The following AMER1 variants were observed in gnomAD, a reference collection of about 807,000 sequenced individuals.
AMER1 encodes RP11-403E24.2.
Under a neutral mutation model 53.0 loss-of-function variants are expected in AMER1, and 16 were observed. The observed-to-expected ratio is 0.30, with a 90% CI of 0.20 to 0.46. The LOEUF is 0.46. Among genes scored for constraint, AMER1 ranks in the 20% least tolerant of loss-of-function variants. The probability of loss-of-function intolerance (pLI) is 1.00; values close to 1 mark genes in which losing one functional copy is unlikely to be tolerated. For missense variants in AMER1, 947 were observed against 884.9 expected (o/e 1.07, Z -0.89); for synonymous variants, 354 against 331.9 (o/e 1.07, Z -0.73).
rs773502508 is a variant in AMER1 at position 64,190,183 on chromosome X, T to C, written c.3104A>G (p.Asn1035Ser). 8.3e-7 allele frequency: 1 copy of C among 1,208,201 alleles called. No homozygotes were observed. The highest frequency in any genetic ancestry group is 1.1e-6 in the Non-Finnish European group (1 of 893,520). The part of the protein sequence containing the change: ...HLHLPMGPCY[N>S]LQPQASQSMR... Reference sequence around the variant, plus strand: ...GCTCTGGGAGGCCTGTGGCTGGAGGTTATAGCAAGGGCCCATGGGCAGGTG... The same window carrying C: ...GCTCTGGGAGGCCTGTGGCTGGAGGCTATAGCAAGGGCCCATGGGCAGGTG... The change falls in exon 2 of 2, where the codon AAC (asparagine) becomes AGC (serine). Residue 1035 changes from asparagine (N) to serine (S), a missense_variant. Coordinates refer to ENST00000374869, the MANE Select transcript of AMER1 (RefSeq NM_152424.4).
chrX:64,190,185 A>G lies in AMER1; in HGVS notation c.3102T>C (p.Tyr1034=), dbSNP rs747218968. 1 of 1,209,385 alleles carries G rather than the reference A, an allele frequency of 8.3e-7. No homozygotes were observed. The highest frequency in any genetic ancestry group is 1.8e-5 in the South Asian group (1 of 56,359). Reference sequence around the variant, plus strand: ...TCTGGGAGGCCTGTGGCTGGAGGTTATAGCAAGGGCCCATGGGCAGGTGTA... The same window carrying G: ...TCTGGGAGGCCTGTGGCTGGAGGTTGTAGCAAGGGCCCATGGGCAGGTGTA... ...SHLHLPMGPC[Y]NLQPQASQSM... is the part of the protein sequence containing the mutation. The change falls in exon 2 of 2, where the codon TAT becomes TAC. Residue 1034 remains tyrosine, a synonymous_variant. Coordinates refer to ENST00000374869, the MANE Select transcript of AMER1 (RefSeq NM_152424.4).
In AMER1 at chrX:64,186,221, T is replaced by C; in HGVS notation, c.*3658A>G. The C allele has an allele frequency of 8.4e-7, 1 of 1,187,618 alleles. No homozygotes were observed. Among genetic ancestry groups the C allele is most frequent in the Non-Finnish European group, 1.1e-6 (1 of 880,175 alleles). ...GAGGGAACGGACAGTGTGGTACAGC[T>C]AAGGTAGGGAGAGGGGAAAGAGGGA... is the stretch of plus-strand genomic sequence containing the variant. On this transcript the variant is annotated 3_prime_UTR_variant, in exon 2 of 2. Coordinates refer to ENST00000374869, the MANE Select transcript of AMER1 (RefSeq NM_152424.4).
At chrX:64,196,760 T>C (rs1403543348) in intron 1 of AMER1, among the ~76,000 whole-genome samples, 2 of 111,705 alleles carry the variant, frequency 1.8e-5, no homozygotes, top group Non-Finnish European at 3.8e-5. Flanking sequence ...TCCAGAGTCA[T>C]CTTTGCTGGC....
rs1569191373 is a variant in AMER1, at chrX:64,190,259, A to C, written c.3028T>G (p.Ser1010Ala). 8.3e-7 allele frequency: 1 copy of C among 1,210,084 alleles called. No homozygotes were observed. Among genetic ancestry groups the C allele is most frequent in the African/African-American group, 1.7e-5 (1 of 57,230 alleles). ...TMSISLSVPESRAPGESGPQL... is the reference protein window; with the variant it reads ...TMSISLSVPEARAPGESGPQL... Reference sequence around the variant, plus strand: ...GGCCCAGATTCCCCAGGTGCCCTTGACTCTGGCACTGATAGTGATATTGAC... The same window carrying C: ...GGCCCAGATTCCCCAGGTGCCCTTGCCTCTGGCACTGATAGTGATATTGAC... The change falls in exon 2 of 2, where the codon TCA becomes GCA. Residue 1010 changes from serine (S) to alanine (A), a missense_variant. Ser to Ala is a moderately conservative substitution (Grantham distance 99). Transcript: ENST00000374869.
rs777322830 is a variant in AMER1 at position 64,189,947 on chromosome X, C to A, written c.3340G>T (p.Ala1114Ser). ...GTGGCAAGAGAGGCACCTTGCTCAG[C>A]CCTCTCCTTTGACAGGTCAAGGCTG... is the stretch of plus-strand genomic sequence containing the variant. ...PSSLDLSKERAEQGASLATSY... is the reference protein window; with the variant it reads ...PSSLDLSKERSEQGASLATSY... Residue 1114 changes from alanine (A) to serine (S), a missense_variant, in exon 2 of 2, where the codon GCT becomes TCT. Transcript: ENST00000374869. 1.2e-5 allele frequency: 15 copies of A among 1,203,921 alleles called. No individual in the cohort carries two copies. Among genetic ancestry groups the A allele is most frequent in the Non-Finnish European group, 1.6e-5 (14 of 892,549 alleles).
intron 1 of AMER1, among the ~76,000 whole-genome samples, chrX:64,197,097 C>G (rs1181257275): frequency 8.9e-6 from 1 of 112,621 alleles, no homozygotes; most frequent in Non-Finnish European, 1.9e-5. Flanking sequence ...TCTGCAGATC[C>G]CCTAGGCTGG....
rs1337648531 is a variant in AMER1 at position 64,187,523 on chromosome X, G to A, written c.*2356C>T. The A allele has an allele frequency of 9.0e-6, 7 of 780,159 alleles. No homozygotes were observed. The highest frequency in any genetic ancestry group is 1.1e-5 in the Non-Finnish European group (7 of 655,236). The allele number at this position is 780,159 out of a possible 1,213,427, so 64.3% of individuals were successfully genotyped here. A position where few individuals can be genotyped will look rare whatever the true frequency, so the allele number is the denominator to read the frequency against. On this transcript the variant is annotated 3_prime_UTR_variant, in exon 2 of 2. Coordinates refer to ENST00000374869, the MANE Select transcript of AMER1 (RefSeq NM_152424.4). ...TCCTGAGGGCAGCTCTCAGCCCTTA[G>A]CCAAAGGTTGGCCACCTCCTTTTTC...
Position 64,189,875 on chromosome X carries a change from A to G in AMER1, c.*4T>C, listed in dbSNP as rs774381591. 8.3e-7 allele frequency: 1 copy of G among 1,200,842 alleles called. No homozygotes were observed. The highest frequency in any genetic ancestry group is 2.2e-5 in the Admixed American group (1 of 44,825). On this transcript the variant is annotated 3_prime_UTR_variant, in exon 2 of 2. Coordinates refer to ENST00000374869, the MANE Select transcript of AMER1 (RefSeq NM_152424.4). The stretch of plus-strand genomic sequence containing the variant: ...CCGTGTCCCTACTCCAGAATTGATA[A>G]TAACTACTTGGCTAGGTTTCCATTC...
At position 64,192,279 on chromosome X, in the gene AMER1, G is replaced by C. The variant is rs752123255; in HGVS notation, c.1008C>G (p.Asp336Glu). The C allele has an allele frequency of 4.1e-5, 50 of 1,210,743 alleles. No homozygotes were observed. The highest frequency in any genetic ancestry group is 4.6e-5 in the Non-Finnish European group (41 of 895,391). The change falls in exon 2 of 2, where the codon GAC (aspartate) becomes GAG (glutamate). Residue 336 changes from aspartate to glutamate, a missense_variant. Asp to Glu is a conservative substitution (Grantham distance 45). Coordinates refer to ENST00000374869, the MANE Select transcript of AMER1 (RefSeq NM_152424.4). ...CCATGCTGTCTGTCATACTGTCCAT[G>C]TCCTGTTCTGCTATTATGTCACCAC... Reference protein sequence around the residue: ...TGCGDIIAEQDMDSMTDSMAS... With the variant: ...TGCGDIIAEQEMDSMTDSMAS...
At position 64,186,840 on chromosome X, in the gene AMER1, C is replaced by T. The variant is rs1011149055; in HGVS notation, c.*3039G>A. On this transcript the variant is annotated 3_prime_UTR_variant, in exon 2 of 2. Transcript: ENST00000374869. Reference sequence around the variant, plus strand: ...CCCTGGGAGAGGCCTACTAGGTGGCCTTCTCTATCCACATTCACTGGTCCT... The same window carrying T: ...CCCTGGGAGAGGCCTACTAGGTGGCTTTCTCTATCCACATTCACTGGTCCT... 2.6e-6 allele frequency: 2 copies of T among 771,278 alleles called. No individual in the cohort carries two copies. Among genetic ancestry groups the T allele is most frequent in the African/African-American group, 4.6e-5 (2 of 43,765 alleles). 63.6% of individuals were successfully genotyped at this position (771,278 alleles called of 1,213,427 possible).
At position 64,187,209 on chromosome X, in the gene AMER1, C is replaced by T. The variant is rs1930127475; in HGVS notation, c.*2670G>A. On this transcript the variant is annotated 3_prime_UTR_variant, in exon 2 of 2. Transcript: ENST00000374869. Reference sequence around the variant, plus strand: ...GGTCCCCAGACAGGTCTTCCTTCCTCCCCTAGGCTGCCATTGGGTTTCAGC... The same window carrying T: ...GGTCCCCAGACAGGTCTTCCTTCCTTCCCTAGGCTGCCATTGGGTTTCAGC... 1.3e-5 allele frequency: 10 copies of T among 787,442 alleles called. No individual in the cohort carries two copies. The highest frequency in any genetic ancestry group is 1.5e-5 in the Non-Finnish European group (10 of 659,159). 64.9% of individuals were successfully genotyped at this position (787,442 alleles called of 1,213,427 possible). A position where few individuals can be genotyped will look rare whatever the true frequency, so the allele number is the denominator to read the frequency against.
rs941828527 is a variant in AMER1, at chrX:64,186,194, G to A, written c.*3685C>T. ...CATCTTCTGCTGTCCCTATCATGGG[G>A]GGAGGGAACGGACAGTGTGGTACAG... On this transcript the variant is annotated 3_prime_UTR_variant, in exon 2 of 2. Transcript: ENST00000374869. 4.1e-6 allele frequency: 5 copies of A among 1,208,997 alleles called. No homozygotes were observed. The highest frequency in any genetic ancestry group is 2.2e-5 in the Admixed American group (1 of 45,914).
intron 1 of AMER1, among the ~76,000 whole-genome samples, chrX:64,196,295 G>A (rs1930367184): frequency 8.9e-6 from 1 of 112,125 alleles, no homozygotes; most frequent in Non-Finnish European, 1.9e-5. Flanking sequence ...GCAGGTACTT[G>A]TGAGCTATTT....
chrX:64,198,105 G>C (rs1454058817), intron 1 of AMER1, among the ~76,000 whole-genome samples: 12 of 111,698 alleles, frequency 1.1e-4, no homozygotes, highest in Non-Finnish European at 2.3e-4. Flanking sequence ...GGTAAATGAA[G>C]ATAACTGTGT....
At position 64,191,566 on chromosome X, in the gene AMER1, C is replaced by T. The variant is rs587778025; in HGVS notation, c.1721G>A (p.Arg574Gln). Residue 574 changes from arginine to glutamine, a missense_variant, in exon 2 of 2, where the codon CGG becomes CAG. Coordinates refer to ENST00000374869, the MANE Select transcript of AMER1 (RefSeq NM_152424.4). ...CTCCTGGGCCTCAAGCTGCTCCCGC[C>T]GAAGCTCCCAATACAACAACTGTTT... ...IQKQLLYWEL[R>Q]REQLEAQEAR... The T allele has an allele frequency of 2.7e-5, 33 of 1,210,871 alleles. 1 individual carries two copies. Among genetic ancestry groups the T allele is most frequent in the South Asian group, 1.8e-4 (10 of 56,816 alleles).
rs2147087428 is a variant in AMER1 at position 64,191,500 on chromosome X, C to A, written c.1787G>T (p.Arg596Met). 8.3e-7 allele frequency: 1 copy of A among 1,212,112 alleles called. No homozygotes were observed. The highest frequency in any genetic ancestry group is 1.1e-6 in the Non-Finnish European group (1 of 895,541). ...REAHAREAHA[R>M]EAYTREAYGR... Reference sequence around the variant, plus strand: ...ATAAGCCTCTCGAGTATAGGCCTCCCTGGCGTGGGCCTCCCTGGCATGAGC... The same window carrying A: ...ATAAGCCTCTCGAGTATAGGCCTCCATGGCGTGGGCCTCCCTGGCATGAGC... The change falls in exon 2 of 2, where the codon AGG (arginine) becomes ATG (methionine). Residue 596 changes from arginine to methionine, a missense_variant. Transcript: ENST00000374869.
At chrX:64,198,117 G>A (rs865921412) in intron 1 of AMER1, among the ~76,000 whole-genome samples, 9 of 111,590 alleles carry the variant, frequency 8.1e-5, no homozygotes, top group Non-Finnish European at 1.7e-4. Context: ...TAACTGTGTG[G>A]TCATGTCATA....
At chrX:64,201,932 GC>G (rs1930496538) in intron 1 of AMER1, among the ~76,000 whole-genome samples, 1 of 112,293 alleles carries the variant, frequency 8.9e-6, no homozygotes, top group South Asian at 3.7e-4. Context: ...GATGTCTCAG[GC>G]CCAAGAGAGG....
rs1930141022 is a variant in AMER1, at chrX:64,187,941, G to C, written c.*1938C>G. On this transcript the variant is annotated 3_prime_UTR_variant, in exon 2 of 2. Transcript: ENST00000374869. Reference sequence around the variant, plus strand: ...CCTGAAGAGCTGGTCTGGGTCCCTTGAGTGGTGGTGTTAGTGCCATGCAAA... The same window carrying C: ...CCTGAAGAGCTGGTCTGGGTCCCTTCAGTGGTGGTGTTAGTGCCATGCAAA... 8 of 778,327 alleles carry C rather than the reference G, an allele frequency of 1.0e-5. No individual in the cohort carries two copies. Among genetic ancestry groups the C allele is most frequent in the Non-Finnish European group, 1.2e-5 (8 of 654,296 alleles). The allele number at this position is 778,327 out of a possible 1,213,427, so 64.1% of individuals were successfully genotyped here.
Sources: gnomAD v4.1 joint callset for allele counts (sites outside exome capture counted in the v4.1 genomes callset) on GRCh38, gnomAD v4.1.1 for gene constraint, MANE v1.5 for transcripts, NCBI Gene and HGNC (gene_info 2026-07-23, HGNC 2026-07-21) for gene names.